MTUS2: variants seen among roughly 807,000 people sequenced by gnomAD.
MTUS2 encodes microtubule associated scaffold protein 2.
A neutral mutation model predicts 114.1 loss-of-function variants in MTUS2; 40 were observed. That is an observed-to-expected ratio of 0.35 (90% CI 0.27 to 0.46). The LOEUF is 0.46. Among genes scored for constraint, MTUS2 ranks in the 20% least tolerant of loss-of-function variants. The probability of loss-of-function intolerance (pLI) is 1.00; values close to 1 mark genes in which losing one functional copy is unlikely to be tolerated. For synonymous variants in MTUS2, 688 were observed against 672.0 expected (o/e 1.02, Z -0.37); for missense variants, 1,679 against 1,705.4 (o/e 0.98, Z 0.27).
At chr13:28,898,884 C>T (rs907268701) in intron 2 of MTUS2, among the ~76,000 whole-genome samples, 5 of 152,046 alleles carry the variant, frequency 3.3e-5, no homozygotes, top group African/African-American at 4.8e-5. Context: ...TTGAACTGTG[C>T]ATAGTGTTTG....
chr13:29,311,832 A>G (rs951361749), intron 6 of MTUS2, among the ~76,000 whole-genome samples: 1 of 152,192 alleles, frequency 6.6e-6, no homozygotes, highest in African/African-American at 2.4e-5. Context: ...AGGTAGTCTT[A>G]TTTAGCCTCC....
At chr13:29,071,448 CAG>C (rs1264481924) in intron 4 of MTUS2, among the ~76,000 whole-genome samples, 4 of 63,926 alleles carry the variant, frequency 6.3e-5, no homozygotes, top group Non-Finnish European at 1.0e-4. Context: ...TTTTTTGAGA[CAG>C]AGTCTCCCTC....
intron 3 of MTUS2, among the ~76,000 whole-genome samples, chr13:29,030,512 A>G (rs1323105661): frequency 6.6e-6 from 1 of 152,164 alleles, no homozygotes; most frequent in Admixed American, 6.5e-5. Context: ...AGTGGGGAAC[A>G]GGCTGGTCCT....
chr13:29,403,636 C>T (rs774407971), intron 8 of MTUS2, among the ~76,000 whole-genome samples: 1 of 152,168 alleles, frequency 6.6e-6, no homozygotes. Context: ...TTCTACCTGA[C>T]TGCCTGTGAA....
At position 29,389,417 on chromosome 13, in the gene MTUS2, G is replaced by A. The variant is rs201324912; in HGVS notation, c.3117+29944G>A. On this transcript the variant is annotated intron_variant, in intron 8 of 15. Coordinates refer to ENST00000612955, the MANE Select transcript of MTUS2 (RefSeq NM_001033602.4). Reference sequence around the variant, plus strand: ...TGTGTATATATGTATACACGTGTGTGTGTATGTATACACGTGTGTGTATGT... The same window carrying A: ...TGTGTATATATGTATACACGTGTGTATGTATGTATACACGTGTGTGTATGT... Among the ~76,000 whole-genome samples, 182 of 97,848 alleles carry A rather than the reference G, an allele frequency of 1.9e-3. 1 individual carries two copies. Among genetic ancestry groups the A allele is most frequent in the Middle Eastern group, 6.0e-3 (1 of 168 alleles). 64.2% of individuals were successfully genotyped at this position (97,848 alleles called of 152,430 possible). A position where few individuals can be genotyped will look rare whatever the true frequency, so the allele number is the denominator to read the frequency against.
intron 5 of MTUS2, among the ~76,000 whole-genome samples, chr13:29,122,159 G>C (rs1399915983): frequency 6.6e-6 from 1 of 152,166 alleles, no homozygotes; most frequent in Non-Finnish European, 1.5e-5. Context: ...GTAGGGGTCT[G>C]ATATCCTAGG....
intron 6 of MTUS2, among the ~76,000 whole-genome samples, chr13:29,305,932 A>G (rs1240782442): frequency 6.6e-6 from 1 of 152,208 alleles, no homozygotes; most frequent in African/African-American, 2.4e-5. Context: ...CAAGAAGCTT[A>G]TCCACCATGA....
At chr13:29,284,789 T>TC (rs1046972686) in intron 6 of MTUS2, among the ~76,000 whole-genome samples, 5 of 152,154 alleles carry the variant, frequency 3.3e-5, no homozygotes, top group African/African-American at 1.2e-4. Context: ...TAGGATAAAG[T>TC]CAGAACTCAT....
intron 8 of MTUS2, among the ~76,000 whole-genome samples, chr13:29,407,627 G>A (rs111244885): frequency 0.018 from 2,721 of 151,938 alleles, 76 homozygotes; most frequent in African/African-American, 0.062. Flanking sequence ...ACAGGCACCC[G>A]CCACCACACC....
At chr13:29,012,060 T>G (rs1412393902) in intron 2 of MTUS2, among the ~76,000 whole-genome samples, 1 of 152,172 alleles carries the variant, frequency 6.6e-6, no homozygotes, top group Non-Finnish European at 1.5e-5. Flanking sequence ...ATTTCTTCCT[T>G]TCAGATAGCA....
At chr13:29,326,038 G>C (rs1434720375) in intron 7 of MTUS2, among the ~76,000 whole-genome samples, 1 of 152,204 alleles carries the variant, frequency 6.6e-6, no homozygotes, top group Non-Finnish European at 1.5e-5. Flanking sequence ...TGAAGGACAG[G>C]AGACAAAGCC....
At chr13:28,935,575 A>C (rs559250413) in intron 2 of MTUS2, among the ~76,000 whole-genome samples, 1 of 152,180 alleles carries the variant, frequency 6.6e-6, no homozygotes, top group Non-Finnish European at 1.5e-5. Context: ...AATAATGATT[A>C]CATGCTGTCC....
In MTUS2 at chr13:29,018,252, A is replaced by C. The variant is rs75057648; in HGVS notation, c.-242-6205A>C. On this transcript the variant is annotated intron_variant, in intron 2 of 15. Transcript: ENST00000612955. ...AGGCCCAGTGCTCATTGGACCTTGA[A>C]TGTCAAGCCGAGAGGTGTCACTTTA... Among the ~76,000 whole-genome samples, 250 of 152,244 alleles carry C rather than the reference A, an allele frequency of 1.6e-3. 1 individual carries two copies. Among genetic ancestry groups the C allele is most frequent in the African/African-American group, 5.7e-3 (236 of 41,550 alleles).
rs537104991 is a variant in MTUS2 at position 29,244,654 on chromosome 13, A to G, written c.2645-37050A>G. Among the ~76,000 whole-genome samples, 6 of 152,280 alleles carry G rather than the reference A, an allele frequency of 3.9e-5. No individual in the cohort carries two copies. The South Asian group carries it at 1.0e-3, about 26-fold the overall frequency. ...GACTGTGGTTAAGGTTGAATGAGGTAAAATTAAAAGTAAAAGTCTGGGCCG... is the reference window on the plus strand; with the variant it reads ...GACTGTGGTTAAGGTTGAATGAGGTGAAATTAAAAGTAAAAGTCTGGGCCG... On this transcript the variant is annotated intron_variant, in intron 5 of 15. Coordinates refer to ENST00000612955, the MANE Select transcript of MTUS2 (RefSeq NM_001033602.4).
At chr13:29,014,229 T>A (rs768026853) in intron 2 of MTUS2, among the ~76,000 whole-genome samples, 2 of 152,216 alleles carry the variant, frequency 1.3e-5, no homozygotes, top group Non-Finnish European at 2.9e-5. Context: ...AGGGCCTACC[T>A]GTGGGACTTT....
intron 1 of MTUS2, among the ~76,000 whole-genome samples, chr13:28,837,885 A>C (rs563519585): frequency 1.3e-5 from 2 of 152,338 alleles, no homozygotes; most frequent in East Asian, 3.9e-4. Context: ...TATTGGAACA[A>C]CACAGAGTGC....
chr13:29,493,994 C>G (rs146216572), intron 12 of MTUS2, among the ~76,000 whole-genome samples: 313 of 152,330 alleles, frequency 2.1e-3, no homozygotes, highest in African/African-American at 7.1e-3. Flanking sequence ...CCTTGGTCTA[C>G]AGGCACCTGG....
chr13:29,072,489 A>G (rs761639414), intron 4 of MTUS2, among the ~76,000 whole-genome samples: 1 of 152,134 alleles, frequency 6.6e-6, no homozygotes, highest in South Asian at 2.1e-4. Context: ...TATTGTAAAA[A>G]CATTATGAAA....
At chr13:29,039,296 G>C (rs1234762085) in intron 4 of MTUS2, among the ~76,000 whole-genome samples, 1 of 152,224 alleles carries the variant, frequency 6.6e-6, no homozygotes, top group Non-Finnish European at 1.5e-5. Context: ...TAGAAATTCG[G>C]CTTCCAGAAG....
Sources: allele counts gnomAD v4.1 joint callset (sites outside exome capture counted in the v4.1 genomes callset), GRCh38; gene constraint gnomAD v4.1.1; transcripts MANE v1.5; gene names NCBI Gene and HGNC (gene_info 2026-07-23, HGNC 2026-07-21).